The following IL6ST variants were observed in gnomAD, a reference collection of about 807,000 sequenced individuals.
The protein encoded by IL6ST is interleukin 6 cytokine family signal transducer.
Under a neutral mutation model 91.3 loss-of-function variants are expected in IL6ST, and 24 were observed. The ratio of observed to expected loss-of-function variants is 0.26; its 90% CI spans 0.19 to 0.37. The LOEUF is 0.37. Among genes scored for constraint, IL6ST ranks in the 10% least tolerant of loss-of-function variants. The pLI is 1.00. For synonymous variants in IL6ST, 351 were observed against 373.6 expected (o/e 0.94, Z 0.70); for missense variants, 914 against 1,078.5 (o/e 0.85, Z 2.14).
intron 5 of IL6ST, among the ~76,000 whole-genome samples, chr5:55,967,029 G>A (rs1219268333): frequency 6.6e-6 from 1 of 151,606 alleles, no homozygotes; most frequent in African/African-American, 2.4e-5. Flanking sequence ...AAAAGACAAG[G>A]GGGCCAGGCG....
chr5:55,954,460 G>A (rs1751835564), intron 11 of IL6ST, among the ~76,000 whole-genome samples: 1 of 152,128 alleles, frequency 6.6e-6, no homozygotes, highest in Admixed American at 6.5e-5. Flanking sequence ...AGATGCTCTA[G>A]GAAACTATTT....
rs1752983323 is a variant in IL6ST at position 55,971,827 on chromosome 5, A to C, written c.65-1972T>G. Among the ~76,000 whole-genome samples the C allele has an allele frequency of 2.0e-5, 3 of 152,166 alleles. No individual in the cohort carries two copies. In the South Asian group the frequency reaches 6.2e-4, roughly 32 times the overall value. On this transcript the variant is annotated intron_variant, in intron 3 of 16. Transcript: ENST00000381298. ...TTTTTGCAGTCAAAATTGTATCCCC[A>C]AATGGAATCCCAGGACCTCTCACAA...
chr5:55,967,208 G>A (rs1177865404), intron 5 of IL6ST, among the ~76,000 whole-genome samples: 6 of 149,568 alleles, frequency 4.0e-5, no homozygotes, highest in African/African-American at 1.2e-4. Context: ...TACTCAGGAG[G>A]CTGAGGCAGG....
intron 5 of IL6ST, among the ~76,000 whole-genome samples, chr5:55,965,814 C>CA (rs34297008): frequency 0.11 from 6,190 of 58,248 alleles, 286 homozygotes; most frequent in African/African-American, 0.22. Flanking sequence ...AACTCTGTCT[C>CA]AAAAAAAAAA....
intron 1 of IL6ST, among the ~76,000 whole-genome samples, chr5:55,985,419 A>T (rs1179377633): frequency 2.0e-5 from 3 of 151,852 alleles, no homozygotes; most frequent in Non-Finnish European, 2.9e-5. Flanking sequence ...CAGGAAGCTG[A>T]GGCAAGAGAA....
intron 1 of IL6ST, among the ~76,000 whole-genome samples, chr5:55,991,150 T>G (rs538037244): frequency 6.6e-6 from 1 of 152,234 alleles, no homozygotes; most frequent in African/African-American, 2.4e-5. Context: ...TGATGGACAT[T>G]TGAATTGGTT....
chr5:55,941,229 T>C lies in IL6ST; in HGVS notation c.2610A>G (p.Glu870=). ...CGSGQMKMFQ[E]VSAADAFGPG... The stretch of plus-strand genomic sequence containing the variant: ...GACCAAAAGCATCTGCTGCAGAAAC[T>C]TCCTGAAACATTTTCATTTGCCCAG... The change falls in exon 17 of 17, where the codon GAA becomes GAG. Residue 870 remains glutamate (E), a synonymous_variant. Coordinates refer to ENST00000381298, the MANE Select transcript of IL6ST (RefSeq NM_002184.4). 6.2e-7 allele frequency: 1 copy of C among 1,614,200 alleles called. No individual in the cohort carries two copies. Among genetic ancestry groups the C allele is most frequent in the Admixed American group, 1.7e-5 (1 of 60,024 alleles).
intron 1 of IL6ST, among the ~76,000 whole-genome samples, chr5:55,992,522 T>C (rs1446172957): frequency 6.6e-6 from 1 of 152,212 alleles, no homozygotes; most frequent in Non-Finnish European, 1.5e-5. Context: ...GAAGATTAAA[T>C]GCCTTAATAT....
At chr5:55,951,697 C>G in intron 13 of IL6ST, 93 bp from the exon 14 acceptor site, 1 of 1,269,024 alleles carries the variant, frequency 7.9e-7, no homozygotes, top group Non-Finnish European at 1.1e-6. Flanking sequence ...AAAAAAGAAG[C>G]GAAGTATTTT....
intron 1 of IL6ST, among the ~76,000 whole-genome samples, chr5:55,987,771 T>G (rs1754054814): frequency 1.3e-5 from 2 of 152,212 alleles, no homozygotes; most frequent in South Asian, 2.1e-4. Context: ...TTGTAACTAC[T>G]CAATAAAAGG....
chr5:55,960,316 A>G (rs1752234210), intron 8 of IL6ST, 86 bp downstream of exon 8: 2 of 987,662 alleles, frequency 2.0e-6, no homozygotes, highest in Admixed American at 2.4e-5. Flanking sequence ...CAAACTAAGA[A>G]GCAATGAGGC....
intron 3 of IL6ST, among the ~76,000 whole-genome samples, chr5:55,974,472 A>T (rs555178063): frequency 6.6e-6 from 1 of 151,092 alleles, no homozygotes; most frequent in African/African-American, 2.4e-5. Context: ...ACTTTCAGGC[A>T]TGTGCTACCA....
chr5:55,959,095 C>T (rs1052539495), intron 8 of IL6ST, among the ~76,000 whole-genome samples: 3 of 152,116 alleles, frequency 2.0e-5, no homozygotes, highest in Non-Finnish European at 2.9e-5. Flanking sequence ...TTCATTCACG[C>T]ATTGATTTGA....
At chr5:55,944,650 G>A (rs1052942479) in intron 15 of IL6ST, 22 of 988,102 alleles carry the variant, frequency 2.2e-5, no homozygotes, top group South Asian at 5.5e-5. Flanking sequence ...TGGAAACCTC[G>A]GCGCCATGAG....
At position 55,964,271 on chromosome 5, in the gene IL6ST, G is replaced by C. The variant is rs770096161; in HGVS notation, c.533C>G (p.Thr178Ser). The change falls in exon 6 of 17, where the codon ACC (threonine) becomes AGC (serine). Residue 178 changes from threonine (T) to serine (S), a missense_variant. By Grantham distance (58) the Thr-to-Ser change is moderately conservative. Transcript: ENST00000381298. ...ATAATCAACAGTGCATGAGGTGGGG[G>C]TGTCACGTTTTGCTTTGCAATCAGC... is the stretch of plus-strand genomic sequence containing the variant. ...KFADCKAKRD[T>S]PTSCTVDYST... The C allele has an allele frequency of 4.3e-6, 7 of 1,611,466 alleles. 1 individual carries two copies. Among genetic ancestry groups the C allele is most frequent in the East Asian group, 2.2e-5 (1 of 44,770 alleles).
chr5:55,989,134 C>CA (rs1361566435), intron 1 of IL6ST, among the ~76,000 whole-genome samples: 6,469 of 55,484 alleles, frequency 0.12, 841 homozygotes, highest in African/African-American at 0.39. Flanking sequence ...GGCTCTGTCT[C>CA]AAAAAAAAAA....
At chr5:55,957,395 T>C in intron 8 of IL6ST, 104 bp from the exon 9 acceptor site, 1 of 562,412 alleles carries the variant, frequency 1.8e-6, no homozygotes, top group South Asian at 2.7e-5. Flanking sequence ...TGCCCTCCAA[T>C]TGCATGGTGT....
In IL6ST at chr5:55,983,813, T is replaced by A. The variant is rs904139182; in HGVS notation, c.-103-1002A>T. Among the ~76,000 whole-genome samples the A allele has an allele frequency of 2.5e-4, 38 of 152,294 alleles. No individual in the cohort carries two copies. In the East Asian group the frequency reaches 4.1e-3, roughly 16 times the overall value. On this transcript the variant is annotated intron_variant, in intron 1 of 16. Transcript: ENST00000381298. The stretch of plus-strand genomic sequence containing the variant: ...TATATAACTTTACATTGTATAAATA[T>A]ACACACTTTTCTATTTTACAAAGAT...
At chr5:55,977,111 CATATA>C (rs1753340602) in intron 2 of IL6ST, among the ~76,000 whole-genome samples, 1 of 151,250 alleles carries the variant, frequency 6.6e-6, no homozygotes, top group Non-Finnish European at 1.5e-5. Context: ...ATGGTAGAGA[CATATA>C]ATAGAATACT....
Sources: allele counts gnomAD v4.1 joint callset (sites outside exome capture counted in the v4.1 genomes callset), GRCh38; gene constraint gnomAD v4.1.1; transcripts MANE v1.5; gene names NCBI Gene and HGNC (gene_info 2026-07-23, HGNC 2026-07-21).